KLHL3: variants seen among roughly 807,000 people sequenced by gnomAD.
KLHL3 encodes the protein kelch-like protein 3.
A neutral mutation model predicts 70.5 loss-of-function variants in KLHL3; 19 were observed. That is an observed-to-expected ratio of 0.27 (90% CI 0.19 to 0.40). The LOEUF (loss-of-function observed/expected upper bound fraction) is 0.40. Ranked by LOEUF, KLHL3 falls within the 10% of genes least tolerant of loss-of-function variation. The pLI is 1.00. For synonymous variants in KLHL3, 258 were observed against 290.3 expected (o/e 0.89, Z 1.13); for missense variants, 512 against 771.1 (o/e 0.66, Z 3.98).
chr5:137,621,532 T>G lies in KLHL3; in HGVS notation c.*566A>C, dbSNP rs1252247062. 1.3e-5 allele frequency: 2 copies of G among 153,006 alleles called. No homozygotes were observed. Among genetic ancestry groups the G allele is most frequent in the African/African-American group, 2.4e-5 (1 of 41,462 alleles). 9.5% of individuals were successfully genotyped at this position (153,006 alleles called of 1,614,324 possible). Reference sequence around the variant, plus strand: ...ACAAAGTCACAGTAGTTAAAGTACATAAGTGGGTGTGGCCAGAGAACTGCC... The same window carrying G: ...ACAAAGTCACAGTAGTTAAAGTACAGAAGTGGGTGTGGCCAGAGAACTGCC... On this transcript the variant is annotated 3_prime_UTR_variant, in exon 15 of 15. Coordinates refer to ENST00000309755, the MANE Select transcript of KLHL3 (RefSeq NM_017415.3).
At chr5:137,669,608 C>T (rs924093804) in intron 6 of KLHL3, among the ~76,000 whole-genome samples, 4 of 151,386 alleles carry the variant, frequency 2.6e-5, no homozygotes, top group Non-Finnish European at 4.4e-5. Flanking sequence ...GACTGAAGCA[C>T]AATGGTTTGA....
intron 6 of KLHL3, chr5:137,672,993 T>A (rs1181183273): frequency 6.6e-6 from 1 of 152,176 alleles, no homozygotes; most frequent in Non-Finnish European, 1.5e-5. Context: ...GAGTGTATGA[T>A]AGATGCACCT....
rs552724134 is a variant in KLHL3 at position 137,622,945 on chromosome 5, G to T, written c.1736-819C>A. On this transcript the variant is annotated intron_variant, in intron 14 of 14. Coordinates refer to ENST00000309755, the MANE Select transcript of KLHL3 (RefSeq NM_017415.3). ...TGCCTGGCAGCTAGATGTGCCACGT[G>T]ACCCAGTGCTGGCCACTAAGACTGT... 9.2e-5 allele frequency among the ~76,000 whole-genome samples: 14 copies of T among 152,360 alleles called. 1 individual carries two copies. In the East Asian group the frequency reaches 2.7e-3, roughly 29 times the overall value.
chr5:137,716,691 G>A (rs2149933208), intron 2 of KLHL3, among the ~76,000 whole-genome samples: 1 of 152,316 alleles, frequency 6.6e-6, no homozygotes, highest in African/African-American at 2.4e-5. Flanking sequence ...CCATTAAAAA[G>A]TGAAGCAGAG....
At chr5:137,654,908 G>A (rs972425951) in intron 8 of KLHL3, among the ~76,000 whole-genome samples, 1 of 152,214 alleles carries the variant, frequency 6.6e-6, no homozygotes, top group Non-Finnish European at 1.5e-5. Flanking sequence ...TGATGGTGGA[G>A]CAGCTCTCAG....
intron 8 of KLHL3, chr5:137,647,499 C>A (rs1751080964): frequency 2.1e-6 from 1 of 470,496 alleles, no homozygotes; most frequent in African/African-American, 2.0e-5. Context: ...GCTCTACACA[C>A]TTTTTTCATC....
intron 6 of KLHL3, among the ~76,000 whole-genome samples, chr5:137,670,809 A>T (rs1228727483): frequency 6.6e-6 from 1 of 151,856 alleles, no homozygotes; most frequent in Non-Finnish European, 1.5e-5. Context: ...CTCTACTAAA[A>T]ATACAAAAAA....
chr5:137,707,519 A>T (rs1752708637), intron 3 of KLHL3: 1 of 154,360 alleles, frequency 6.5e-6, no homozygotes, highest in East Asian at 1.9e-4. Context: ...ATAAATATAA[A>T]ATCTAAAAAG....
intron 2 of KLHL3, among the ~76,000 whole-genome samples, chr5:137,711,389 C>T (rs1006980995): frequency 2.3e-4 from 35 of 152,222 alleles, no homozygotes; most frequent in African/African-American, 8.2e-4. Context: ...GTTCTCCTTA[C>T]TCCAGACACA....
At chr5:137,698,516 CT>C in intron 3 of KLHL3, 108 bp from the exon 4 acceptor site, 4 of 1,271,412 alleles carry the variant, frequency 3.1e-6, no homozygotes, top group Non-Finnish European at 4.4e-6. Context: ...ACTTCCTGGG[CT>C]CCAGGAGGCA....
At chr5:137,717,456 G>T (rs957333295) in intron 2 of KLHL3, among the ~76,000 whole-genome samples, 2 of 151,774 alleles carry the variant, frequency 1.3e-5, no homozygotes, top group Non-Finnish European at 2.9e-5. Flanking sequence ...CTTGAACCCG[G>T]GAGGTGGAGG....
chr5:137,709,650 G>A, intron 3 of KLHL3, 100 bp downstream of exon 3: 1 of 919,242 alleles, frequency 1.1e-6, no homozygotes, highest in Non-Finnish European at 1.8e-6. Flanking sequence ...TGGGCTAATG[G>A]CTTTCTCTTT....
At chr5:137,682,403 T>G (rs1387822520) in intron 5 of KLHL3, among the ~76,000 whole-genome samples, 20 of 133,464 alleles carry the variant, frequency 1.5e-4, no homozygotes, top group Non-Finnish European at 2.0e-4. Flanking sequence ...GTGCTGGACA[T>G]AGAGAGAGAG....
intron 3 of KLHL3, among the ~76,000 whole-genome samples, chr5:137,705,051 G>A (rs1273752159): frequency 6.6e-6 from 1 of 152,118 alleles, no homozygotes; most frequent in Non-Finnish European, 1.5e-5. Flanking sequence ...CTCCTCAGGG[G>A]CAAAACTCTC....
At chr5:137,644,805 ATTTATTC>A (rs1490331367) in intron 8 of KLHL3, among the ~76,000 whole-genome samples, 1 of 152,234 alleles carries the variant, frequency 6.6e-6, no homozygotes, top group African/African-American at 2.4e-5. Flanking sequence ...ATACTTCCAG[ATTTATTC>A]TTTGAAGCCA....
chr5:137,641,128 T>G (rs1561587252), intron 8 of KLHL3, among the ~76,000 whole-genome samples: 1 of 152,226 alleles, frequency 6.6e-6, no homozygotes, highest in Non-Finnish European at 1.5e-5. Flanking sequence ...TTACATATTT[T>G]AATAAACATG....
At chr5:137,703,658 T>TTATC (rs1002811670) in intron 3 of KLHL3, among the ~76,000 whole-genome samples, 10 of 152,168 alleles carry the variant, frequency 6.6e-5, no homozygotes, top group African/African-American at 2.4e-4. Flanking sequence ...TGTTCTGCCT[T>TTATC]TATCCCAAGG....
chr5:137,648,401 G>A (rs923566168), intron 8 of KLHL3, among the ~76,000 whole-genome samples: 1 of 152,220 alleles, frequency 6.6e-6, no homozygotes, highest in Non-Finnish European at 1.5e-5. Flanking sequence ...GAATAGAGAT[G>A]CCAACTGAAC....
chr5:137,669,028 CT>C (rs1351741531), intron 6 of KLHL3, among the ~76,000 whole-genome samples: 1 of 152,090 alleles, frequency 6.6e-6, no homozygotes, highest in African/African-American at 2.4e-5. Context: ...AAAGCTCTTT[CT>C]TGTAGTTGCT....
Sources: gnomAD v4.1 joint callset for allele counts (sites outside exome capture counted in the v4.1 genomes callset) on GRCh38, gnomAD v4.1.1 for gene constraint, MANE v1.5 for transcripts, NCBI Gene and HGNC (gene_info 2026-07-23, HGNC 2026-07-21) for gene names.